Variants in EVI5 observed in about 807,000 individuals in gnomAD.
EVI5 encodes the protein ecotropic viral integration site 5.
EVI5 carries 73 observed loss-of-function variants against 112.0 expected under a neutral mutation model. That is an observed-to-expected ratio of 0.65 (90% confidence interval 0.54 to 0.79). The LOEUF is 0.79. Ranked by LOEUF, EVI5 falls within the 30% of genes least tolerant of loss-of-function variation. EVI5 has a pLI of 0.00. For synonymous variants in EVI5, 305 were observed against 319.9 expected (o/e 0.95, Z 0.50); for missense variants, 900 against 968.8 (o/e 0.93, Z 0.94).
At chr1:92,760,372 G>C (rs1016552461) in intron 1 of EVI5, among the ~76,000 whole-genome samples, 3 of 152,136 alleles carry the variant, frequency 2.0e-5, no homozygotes, top group Non-Finnish European at 4.4e-5. Flanking sequence ...TTCTGAATAA[G>C]AGAGGGTACT....
intron 1 of EVI5, chr1:92,792,328 C>G: frequency 6.5e-7 from 1 of 1,542,236 alleles, no homozygotes; most frequent in South Asian, 1.1e-5. Flanking sequence ...AATCAAACAT[C>G]GTTTTACACA....
At chr1:92,759,872 C>T (rs1379772608) in intron 1 of EVI5, among the ~76,000 whole-genome samples, 6 of 133,490 alleles carry the variant, frequency 4.5e-5, no homozygotes, top group South Asian at 5.8e-4. Context: ...CCCCCACATA[C>T]ATTTTGTCTA....
chr1:92,651,465 T>C (rs183123908), intron 13 of EVI5, among the ~76,000 whole-genome samples: 267 of 152,314 alleles, frequency 1.8e-3, no homozygotes, highest in African/African-American at 6.1e-3. Context: ...TAAAAAAAGA[T>C]TTGAACCACA....
chr1:92,630,548 A>T (rs1191126788), intron 14 of EVI5, among the ~76,000 whole-genome samples: 2 of 151,810 alleles, frequency 1.3e-5, no homozygotes, highest in Non-Finnish European at 2.9e-5. Flanking sequence ...GTTTGAGTTC[A>T]TTGTAGATTC....
chr1:92,586,608 G>GC (rs1672840391), intron 18 of EVI5, among the ~76,000 whole-genome samples: 1 of 70,008 alleles, frequency 1.4e-5, no homozygotes, highest in African/African-American at 1.0e-4. Flanking sequence ...TTTTTTGGCT[G>GC]TGTGTGTGTG....
intron 19 of EVI5, among the ~76,000 whole-genome samples, chr1:92,522,233 C>A (rs903418639): frequency 6.6e-6 from 1 of 152,170 alleles, no homozygotes; most frequent in Non-Finnish European, 1.5e-5. Flanking sequence ...CTTATTCTTT[C>A]ATTAAGATAT....
At chr1:92,610,128 C>A (rs1469344242) in intron 16 of EVI5, among the ~76,000 whole-genome samples, 1 of 152,142 alleles carries the variant, frequency 6.6e-6, no homozygotes, top group East Asian at 1.9e-4. Flanking sequence ...CCCAAGTGAT[C>A]CTCCCATCTT....
intron 19 of EVI5, among the ~76,000 whole-genome samples, chr1:92,540,184 T>C (rs1664565776): frequency 6.6e-6 from 1 of 152,224 alleles, no homozygotes; most frequent in South Asian, 2.1e-4. Context: ...CATGTTTTCA[T>C]GTTACTTGGG....
chr1:92,775,524 T>C (rs938356899), intron 1 of EVI5, among the ~76,000 whole-genome samples: 1 of 152,138 alleles, frequency 6.6e-6, no homozygotes, highest in Non-Finnish European at 1.5e-5. Flanking sequence ...GTGTTACAAC[T>C]GCCTACAGTA....
intron 13 of EVI5, among the ~76,000 whole-genome samples, chr1:92,648,600 T>C (rs1661471350): frequency 6.6e-6 from 1 of 152,214 alleles, no homozygotes; most frequent in Non-Finnish European, 1.5e-5. Flanking sequence ...TTATCTATTC[T>C]AGATATTTCC....
intron 13 of EVI5, among the ~76,000 whole-genome samples, chr1:92,659,578 T>C (rs1248426203): frequency 6.6e-6 from 1 of 151,832 alleles, no homozygotes; most frequent in Non-Finnish European, 1.5e-5. Flanking sequence ...TATTAAAAAG[T>C]CAGAAAATAA....
At chr1:92,540,685 TTCAGCTTATC>T (rs1172227477) in intron 19 of EVI5, among the ~76,000 whole-genome samples, 1 of 152,204 alleles carries the variant, frequency 6.6e-6, no homozygotes, top group African/African-American at 2.4e-5. Flanking sequence ...TTTGATGATG[TTCAGCTTATC>T]TATTTTCTTC....
rs1199548240 is a variant in EVI5, at chr1:92,785,067, C to T, written c.-313G>A. ...AGCCAGCCCCTTGCCAGCTGGCCAG[C>T]TGGTTCCTCCGGGGTCCGGCCCGGC... is the stretch of plus-strand genomic sequence containing the variant. On this transcript the variant is annotated 5_prime_UTR_variant, in exon 1 of 20. Coordinates refer to ENST00000684568, the MANE Select transcript of EVI5 (RefSeq NM_001350197.2). 9.1e-6 allele frequency: 9 copies of T among 985,452 alleles called. No individual in the cohort carries two copies. Among genetic ancestry groups the T allele is most frequent in the East Asian group, 2.3e-4 (2 of 8,804 alleles). The allele number at this position is 985,452 out of a possible 1,614,324, so 61.0% of individuals were successfully genotyped here. A position where few individuals can be genotyped will look rare whatever the true frequency, so the allele number is the denominator to read the frequency against.
At chr1:92,591,916 A>G (rs1007434848) in intron 18 of EVI5, among the ~76,000 whole-genome samples, 2 of 152,204 alleles carry the variant, frequency 1.3e-5, no homozygotes, top group Admixed American at 6.5e-5. Flanking sequence ...TGTCTCTCAG[A>G]CCACAGTACA....
intron 14 of EVI5, among the ~76,000 whole-genome samples, chr1:92,634,189 G>A (rs553555978): frequency 2.0e-5 from 3 of 152,210 alleles, no homozygotes; most frequent in Non-Finnish European, 2.9e-5. Context: ...GAGTATCTTT[G>A]TGGTATTCTC....
At chr1:92,703,079 G>T (rs1243992699) in intron 4 of EVI5, among the ~76,000 whole-genome samples, 1 of 152,088 alleles carries the variant, frequency 6.6e-6, no homozygotes, top group African/African-American at 2.4e-5. Flanking sequence ...TATGATAGGA[G>T]AAACCCACAT....
chr1:92,632,220 C>T (rs1451327656), intron 14 of EVI5, among the ~76,000 whole-genome samples: 1 of 152,192 alleles, frequency 6.6e-6, no homozygotes, highest in African/African-American at 2.4e-5. Flanking sequence ...AGGATTCCCT[C>T]TTTTTCTATT....
At chr1:92,783,552 G>A (rs1473620525) in intron 1 of EVI5, among the ~76,000 whole-genome samples, 3 of 150,322 alleles carry the variant, frequency 2.0e-5, no homozygotes, top group Admixed American at 6.6e-5. Flanking sequence ...GGTGGCTCAC[G>A]CCTGTAACCC....
At chr1:92,538,623 A>G (rs1485332731) in intron 19 of EVI5, among the ~76,000 whole-genome samples, 2 of 152,224 alleles carry the variant, frequency 1.3e-5, no homozygotes, top group African/African-American at 2.4e-5. Flanking sequence ...TCAGTTAAAA[A>G]TCTGAAGGGC....
Sources: allele counts gnomAD v4.1 joint callset (sites outside exome capture counted in the v4.1 genomes callset), GRCh38; gene constraint gnomAD v4.1.1; transcripts MANE v1.5; gene names NCBI Gene and HGNC (gene_info 2026-07-23, HGNC 2026-07-21).